Variants in SLC2A9 observed in about 807,000 individuals in gnomAD.
SLC2A9 encodes the protein solute carrier family 2 member 9.
A neutral mutation model predicts 50.6 loss-of-function variants in SLC2A9; 39 were observed. That is an observed-to-expected ratio of 0.77 (90% CI 0.60 to 1.01). The LOEUF (loss-of-function observed/expected upper bound fraction) is 1.01, where lower values mean the gene tolerates loss of function less well. SLC2A9 is among the 50% of genes least tolerant of loss of function. The pLI is 0.00. For synonymous variants in SLC2A9, 324 were observed against 276.9 expected, an observed-to-expected ratio of 1.17 and a Z score of -1.69; for missense variants, 686 against 677.6, an observed-to-expected ratio of 1.01 and a Z score of -0.14.
chr4:9,871,785 C>A (rs1013667332), intron 10 of SLC2A9, among the ~76,000 whole-genome samples: 1 of 152,218 alleles, frequency 6.6e-6, no homozygotes, highest in African/African-American at 2.4e-5. Flanking sequence ...TTCAGGGGCA[C>A]CTGCCCCATA....
At chr4:9,926,823 AGAG>A (rs1744983545) in intron 6 of SLC2A9, among the ~76,000 whole-genome samples, 1 of 152,138 alleles carries the variant, frequency 6.6e-6, no homozygotes, top group Non-Finnish European at 1.5e-5. Context: ...TGTCCTTACA[AGAG>A]GAGAAGAGAC....
rs532846357 is a variant in SLC2A9, at chr4:9,889,076, G to C, written c.1216-1434C>G. 2.0e-5 allele frequency among the ~76,000 whole-genome samples: 3 copies of C among 152,316 alleles called. No homozygotes were observed. The South Asian group carries it at 6.2e-4, about 32-fold the overall frequency. On this transcript the variant is annotated intron_variant, in intron 9 of 11. Coordinates refer to ENST00000264784, the MANE Select transcript of SLC2A9 (RefSeq NM_020041.3). ...ACATGTGCCAACAGTGAAAGTCAAT[G>C]GTATGTGATAAGTGATCTCACAGGG...
intron 3 of SLC2A9, among the ~76,000 whole-genome samples, chr4:9,789,234 GT>G (rs1719601799): frequency 6.6e-6 from 1 of 152,092 alleles, no homozygotes; most frequent in African/African-American, 2.4e-5. Flanking sequence ...ACCTTCCTAG[GT>G]TTTAAAAAAT....
intron 5 of SLC2A9, among the ~76,000 whole-genome samples, chr4:9,942,448 AG>A (rs995295454): frequency 6.6e-6 from 1 of 152,038 alleles, no homozygotes; most frequent in Non-Finnish European, 1.5e-5. Context: ...CTGCATGTGG[AG>A]GTGACATGGG....
At chr4:9,957,329 C>G (rs1182369975) in intron 5 of SLC2A9, among the ~76,000 whole-genome samples, 1 of 152,190 alleles carries the variant, frequency 6.6e-6, no homozygotes, top group Non-Finnish European at 1.5e-5. Flanking sequence ...AAGGCATTCA[C>G]ACACTGACTT....
At chr4:10,039,500 A>G (rs1764210847) in intron 1 of SLC2A9, among the ~76,000 whole-genome samples, 1 of 152,210 alleles carries the variant, frequency 6.6e-6, no homozygotes, top group Non-Finnish European at 1.5e-5. Flanking sequence ...TATCTTCATG[A>G]ACAATAACAT....
At chr4:9,998,040 T>C (rs568520309) in intron 2 of SLC2A9, among the ~76,000 whole-genome samples, 3 of 152,348 alleles carry the variant, frequency 2.0e-5, no homozygotes, top group Non-Finnish European at 4.4e-5. Context: ...ACAGAATGCC[T>C]GACATCATTA....
intron 5 of SLC2A9, among the ~76,000 whole-genome samples, chr4:9,971,398 A>G (rs1753891500): frequency 6.6e-6 from 1 of 152,218 alleles, no homozygotes. Flanking sequence ...ATCTTCACAG[A>G]ATAATACTGG....
intron 7 of SLC2A9, among the ~76,000 whole-genome samples, chr4:9,911,664 G>A (rs557398713): frequency 5.9e-5 from 9 of 152,328 alleles, no homozygotes; most frequent in South Asian, 2.1e-4. Context: ...CTGCGTGACC[G>A]CAGGCAAGCG....
chr4:10,020,925 C>G (rs1270628810), intron 1 of SLC2A9, among the ~76,000 whole-genome samples: 3 of 152,236 alleles, frequency 2.0e-5, no homozygotes, highest in Admixed American at 2.0e-4. Context: ...ACTGCACGGG[C>G]AGAGGGTGCC....
intron 3 of SLC2A9, among the ~76,000 whole-genome samples, chr4:9,784,779 A>C (rs2108862557): frequency 6.6e-6 from 1 of 152,320 alleles, no homozygotes; most frequent in African/African-American, 2.4e-5. Context: ...AATGGAAGCA[A>C]ATGAAATGTG....
At chr4:9,934,451 C>A (rs1746698546) in intron 6 of SLC2A9, among the ~76,000 whole-genome samples, 2 of 152,312 alleles carry the variant, frequency 1.3e-5, no homozygotes, top group South Asian at 2.1e-4. Context: ...CCCTAAGACA[C>A]TGTCTGATGG....
intron 7 of SLC2A9, among the ~76,000 whole-genome samples, chr4:9,917,441 T>G (rs935729018): frequency 6.7e-6 from 1 of 148,972 alleles, no homozygotes; most frequent in Non-Finnish European, 1.5e-5. Flanking sequence ...CCAGTGATTC[T>G]CCTGCCTCAG....
chr4:10,028,901 G>A (rs1763839933), intron 1 of SLC2A9: 1 of 152,370 alleles, frequency 6.6e-6, no homozygotes. Flanking sequence ...CACCGCCCTG[G>A]GGTGAAGCTT....
chr4:9,793,595 A>C (rs1240458746), intron 3 of SLC2A9, among the ~76,000 whole-genome samples: 2 of 152,196 alleles, frequency 1.3e-5, no homozygotes, highest in African/African-American at 4.8e-5. Context: ...TTGATTTTCT[A>C]TTGAAAGAAG....
intron 10 of SLC2A9, among the ~76,000 whole-genome samples, chr4:9,845,427 CTTTTTTT>C (rs1175166447): frequency 9.2e-6 from 1 of 108,692 alleles, no homozygotes. Context: ...TCATCAATTT[CTTTTTTT>C]TTTTTTTTTT....
chr4:9,883,354 C>T (rs974699605), intron 10 of SLC2A9, among the ~76,000 whole-genome samples: 1 of 152,152 alleles, frequency 6.6e-6, no homozygotes, highest in African/African-American at 2.4e-5. Context: ...TTATGTTTGT[C>T]GTGGAACGAA....
chr4:9,967,909 G>C (rs898576060), intron 5 of SLC2A9, among the ~76,000 whole-genome samples: 9 of 152,170 alleles, frequency 5.9e-5, no homozygotes, highest in African/African-American at 2.2e-4. Context: ...ATTTACAAAA[G>C]AAATTTTGTA....
At chr4:9,889,288 C>CG (rs1482385708) in intron 9 of SLC2A9, among the ~76,000 whole-genome samples, 3 of 152,032 alleles carry the variant, frequency 2.0e-5, no homozygotes, top group Non-Finnish European at 2.9e-5. Flanking sequence ...GAGGAGCTGC[C>CG]GGGGGCAGGG....
Sources: gnomAD v4.1 joint callset for allele counts (sites outside exome capture counted in the v4.1 genomes callset) on GRCh38, gnomAD v4.1.1 for gene constraint, MANE v1.5 for transcripts, NCBI Gene and HGNC (gene_info 2026-07-23, HGNC 2026-07-21) for gene names.